The following RAD51B variants were observed in gnomAD, a reference collection of about 807,000 sequenced individuals.
RAD51B encodes DNA repair protein RAD51 homolog 2.
Under a neutral mutation model 42.2 loss-of-function variants are expected in RAD51B, and 38 were observed. That is an observed-to-expected ratio of 0.90 (90% CI 0.70 to 1.18). RAD51B has a LOEUF of 1.18. RAD51B is among the 50% of genes most tolerant of loss of function. The pLI is 0.00. For synonymous variants in RAD51B, 154 were observed against 145.2 expected, an observed-to-expected ratio of 1.06 and a Z score of -0.43; for missense variants, 373 against 400.7, an observed-to-expected ratio of 0.93 and a Z score of 0.59.
chr14:68,425,483 C>T (rs924955607), intron 9 of RAD51B, among the ~76,000 whole-genome samples: 3 of 152,186 alleles, frequency 2.0e-5, no homozygotes, highest in African/African-American at 7.2e-5. Context: ...TATAAGAAGA[C>T]AAGTTCAGCC....
chr14:67,874,498 T>TC (rs1416251703), intron 5 of RAD51B, among the ~76,000 whole-genome samples: 1 of 152,134 alleles, frequency 6.6e-6, no homozygotes, highest in Non-Finnish European at 1.5e-5. Flanking sequence ...TTCTTTTTCT[T>TC]CCTCTGGGGC....
At chr14:68,152,260 T>C (rs950728308) in intron 7 of RAD51B, among the ~76,000 whole-genome samples, 1 of 152,150 alleles carries the variant, frequency 6.6e-6, no homozygotes. Flanking sequence ...GTAATCTTCC[T>C]CCCCATGGAA....
chr14:68,162,789 A>G (rs2078669700), intron 7 of RAD51B, among the ~76,000 whole-genome samples: 1 of 151,938 alleles, frequency 6.6e-6, no homozygotes, highest in African/African-American at 2.4e-5. Context: ...CGTCTCAAAA[A>G]ACAAAACAAA....
chr14:68,200,924 G>A (rs1017130895), intron 7 of RAD51B, among the ~76,000 whole-genome samples: 6 of 152,066 alleles, frequency 3.9e-5, no homozygotes, highest in Admixed American at 3.3e-4. Flanking sequence ...TCCCAAAGTG[G>A]GATTACAGGT....
At chr14:67,890,488 T>C (rs1280798046) in intron 7 of RAD51B, among the ~76,000 whole-genome samples, 2 of 151,858 alleles carry the variant, frequency 1.3e-5, no homozygotes, top group Admixed American at 1.3e-4. Context: ...TACTTTAAGT[T>C]TTAGGGTACA....
intron 11 of RAD51B, among the ~76,000 whole-genome samples, chr14:68,664,313 C>G (rs10483819): frequency 0.029 from 4,339 of 152,194 alleles, 211 homozygotes; most frequent in African/African-American, 0.099. Context: ...CCTACTGATT[C>G]AAACTAAGAA....
At chr14:68,246,214 C>T (rs181128073) in intron 7 of RAD51B, among the ~76,000 whole-genome samples, 1 of 151,596 alleles carries the variant, frequency 6.6e-6, no homozygotes, top group African/African-American at 2.4e-5. Flanking sequence ...CATGAAGCCT[C>T]CTGGCTCTGT....
At chr14:68,225,432 C>G (rs2080017804) in intron 7 of RAD51B, among the ~76,000 whole-genome samples, 1 of 152,200 alleles carries the variant, frequency 6.6e-6, no homozygotes, top group Non-Finnish European at 1.5e-5. Flanking sequence ...TATGAAGAAG[C>G]TACCAATAAC....
intron 10 of RAD51B, among the ~76,000 whole-genome samples, chr14:68,493,724 G>A (rs1884268196): frequency 6.6e-6 from 1 of 152,174 alleles, no homozygotes; most frequent in African/African-American, 2.4e-5. Context: ...CTGGGAGAAA[G>A]CATATCCATA....
chr14:68,135,063 G>A (rs1409139171), intron 7 of RAD51B, among the ~76,000 whole-genome samples: 1 of 152,092 alleles, frequency 6.6e-6, no homozygotes, highest in Non-Finnish European at 1.5e-5. Context: ...CAGCTCAGAC[G>A]TGTTACCAAT....
intron 7 of RAD51B, among the ~76,000 whole-genome samples, chr14:68,197,674 A>C (rs1275824060): frequency 6.6e-6 from 1 of 152,132 alleles, no homozygotes; most frequent in Non-Finnish European, 1.5e-5. Context: ...TTAATTTTAG[A>C]CATTCCAGTA....
intron 7 of RAD51B, among the ~76,000 whole-genome samples, chr14:68,055,836 T>A (rs1217080180): frequency 6.6e-6 from 1 of 152,192 alleles, no homozygotes; most frequent in African/African-American, 2.4e-5. Context: ...AGACCTAGTG[T>A]TAGAAGTCAC....
At chr14:68,638,981 T>A (rs767993875) in intron 10 of RAD51B, among the ~76,000 whole-genome samples, 6 of 152,076 alleles carry the variant, frequency 3.9e-5, no homozygotes, top group Admixed American at 2.6e-4. Flanking sequence ...GAGCCTGAGA[T>A]ATTGTCCTTC....
chr14:68,160,965 A>G (rs2078627332), intron 7 of RAD51B, among the ~76,000 whole-genome samples: 1 of 152,252 alleles, frequency 6.6e-6, no homozygotes. Context: ...TATTGAAAAG[A>G]GCTCAAAGCC....
intron 9 of RAD51B, among the ~76,000 whole-genome samples, chr14:68,445,736 T>G (rs545841694): frequency 6.6e-6 from 1 of 152,346 alleles, no homozygotes; most frequent in South Asian, 2.1e-4. Context: ...TGGGTCTTGA[T>G]GAGTTTCAAG....
chr14:68,173,209 T>A (rs1292049487), intron 7 of RAD51B, among the ~76,000 whole-genome samples: 1 of 152,218 alleles, frequency 6.6e-6, no homozygotes, highest in East Asian at 1.9e-4. Context: ...GGAGGTATTG[T>A]TTTGTTTCTT....
chr14:68,279,035 C>A (rs145793567), intron 7 of RAD51B, among the ~76,000 whole-genome samples: 1 of 152,124 alleles, frequency 6.6e-6, no homozygotes, highest in African/African-American at 2.4e-5. Flanking sequence ...AGAGCTTATT[C>A]CTCTGCTGGT....
intron 7 of RAD51B, among the ~76,000 whole-genome samples, chr14:67,934,343 T>C (rs1209316307): frequency 6.6e-6 from 1 of 151,786 alleles, no homozygotes; most frequent in Non-Finnish European, 1.5e-5. Flanking sequence ...AGGAAAGAAG[T>C]GGGAGGGCAA....
In RAD51B at chr14:68,019,779, T is replaced by G. The variant is rs142925586; in HGVS notation, c.756+132575T>G. ...AAAAAAGAGACATCTATCTTATTTC[T>G]TGTTCGTTCTTACCGTATTGCCACA... On this transcript the variant is annotated intron_variant, in intron 7 of 10. Coordinates refer to ENST00000471583, the MANE Select transcript of RAD51B (RefSeq NM_133510.4). 2.3e-3 allele frequency among the ~76,000 whole-genome samples: 352 copies of G among 152,356 alleles called. 1 individual carries two copies. The highest frequency in any genetic ancestry group is 8.2e-3 in the African/African-American group (341 of 41,594).
Sources: gnomAD v4.1 joint callset for allele counts (sites outside exome capture counted in the v4.1 genomes callset) on GRCh38, gnomAD v4.1.1 for gene constraint, MANE v1.5 for transcripts, NCBI Gene and HGNC (gene_info 2026-07-23, HGNC 2026-07-21) for gene names.